SAMD3: variants seen among roughly 807,000 people sequenced by gnomAD.
SAMD3 encodes sterile alpha motif domain-containing protein 3.
SAMD3 carries 63 observed loss-of-function variants against 58.5 expected under a neutral mutation model. The ratio of observed to expected loss-of-function variants is 1.08; its 90% CI spans 0.88 to 1.33. The LOEUF (loss-of-function observed/expected upper bound fraction) is 1.33. Ranked by LOEUF, SAMD3 falls within the 40% of genes most tolerant of loss-of-function variation. The probability of loss-of-function intolerance (pLI) is 0.00; values close to 1 mark genes in which losing one functional copy is unlikely to be tolerated. For synonymous variants in SAMD3, 220 were observed against 210.3 expected (o/e 1.05, Z -0.40); for missense variants, 604 against 608.4 (o/e 0.99, Z 0.08).
intron 2 of SAMD3, among the ~76,000 whole-genome samples, chr6:130,268,393 T>C (rs571434026): frequency 1.3e-5 from 2 of 152,276 alleles, no homozygotes; most frequent in East Asian, 3.9e-4. Context: ...TAATATATTG[T>C]TGAAGAAAGA....
At chr6:130,224,209 C>G (rs1255231943), upstream of SAMD3, among the ~76,000 whole-genome samples, 1 of 152,134 alleles carries the variant, frequency 6.6e-6, no homozygotes, top group Non-Finnish European at 1.5e-5. Flanking sequence ...GTGTGTTCCT[C>G]TTGATGTCCA....
chr6:130,220,285 C>A (rs991534838), intron 1 of SAMD3, among the ~76,000 whole-genome samples: 2 of 152,152 alleles, frequency 1.3e-5, no homozygotes, highest in Non-Finnish European at 2.9e-5. Flanking sequence ...CAGGTGTGAG[C>A]CACTAGCCTG....
intron 2 of SAMD3, among the ~76,000 whole-genome samples, chr6:130,295,182 C>G (rs1247748182): frequency 1.3e-5 from 2 of 152,126 alleles, no homozygotes; most frequent in African/African-American, 4.8e-5. Flanking sequence ...CTCGGCCTCC[C>G]AAAGTGCTGG....
chr6:130,361,881 A>G (rs1475749246), intron 1 of SAMD3, among the ~76,000 whole-genome samples: 3 of 152,246 alleles, frequency 2.0e-5, no homozygotes, highest in Non-Finnish European at 4.4e-5. Flanking sequence ...TGCCGACCCA[A>G]ATGTTTTACA....
chr6:130,355,803 A>G (rs920005628), intron 1 of SAMD3, among the ~76,000 whole-genome samples: 2 of 152,220 alleles, frequency 1.3e-5, no homozygotes, highest in African/African-American at 2.4e-5. Flanking sequence ...AAACACCACA[A>G]GAAGAAGCAG....
chr6:130,334,744 A>G lies in SAMD3; in HGVS notation c.-303-21651T>C, dbSNP rs76958159. Among the ~76,000 whole-genome samples the G allele has an allele frequency of 5.3e-5, 8 of 152,304 alleles. No homozygotes were observed. The East Asian group carries it at 1.3e-3, about 26-fold the overall frequency. On this transcript the variant is annotated intron_variant, in intron 1 of 13. Transcript: ENST00000368134. ...CAACAATGCTGGTTTCTTCCCCCTT[A>G]CTCAAAACTATATATACAATGTGTG...
Position 130,240,209 on chromosome 6 carries a change from AT to A in SAMD3, c.-187-17397del, listed in dbSNP as rs562816818. On this transcript the variant is annotated intron_variant, in intron 2 of 13. Transcript: ENST00000368134. ...AGCTCTGGAAGGTTCCTCTTCTCACATACAACATTTTCCTTAACCCATACCA... is the reference window on the plus strand; with the variant it reads ...AGCTCTGGAAGGTTCCTCTTCTCACAACAACATTTTCCTTAACCCATACCA... Among the ~76,000 whole-genome samples the A allele has an allele frequency of 4.4e-3, 672 of 152,278 alleles. 5 individuals carry two copies. Among genetic ancestry groups the A allele is most frequent in the African/African-American group, 0.015 (631 of 41,564 alleles).
intron 8 of SAMD3, among the ~76,000 whole-genome samples, chr6:130,157,298 T>G (rs1421197052): frequency 6.6e-6 from 1 of 151,644 alleles, no homozygotes; most frequent in African/African-American, 2.4e-5. Context: ...ATAAGAGAAA[T>G]TTTCAAAACC....
At chr6:130,189,813 C>CT (rs1283582051) in intron 5 of SAMD3, among the ~76,000 whole-genome samples, 1 of 152,172 alleles carries the variant, frequency 6.6e-6, no homozygotes, top group Admixed American at 6.5e-5. Context: ...ACTGAAAACA[C>CT]TGAAATGTGA....
In SAMD3 at chr6:130,155,008, AAAAC is replaced by A. The variant is rs748404468; in HGVS notation, c.836_839del (p.Cys279LeufsTer5). 1 of 1,612,936 alleles carries A rather than the reference AAAAC, an allele frequency of 6.2e-7. No homozygotes were observed. The highest frequency in any genetic ancestry group is 2.2e-5 in the East Asian group (1 of 44,744). ...TAATATGTTCATCTAGCTCAGAATCAAAACAAACAGCTTCTTCCTGCAAAACATT... is the reference window on the plus strand; with the variant it reads ...TAATATGTTCATCTAGCTCAGAATCAAAACAGCTTCTTCCTGCAAAACATT... On this transcript the variant is annotated frameshift_variant, in exon 9 of 12. Transcript: ENST00000439090. LOFTEE classifies it high-confidence loss of function.
chr6:130,219,240 C>T (rs1311355038), intron 1 of SAMD3, among the ~76,000 whole-genome samples: 1 of 152,074 alleles, frequency 6.6e-6, no homozygotes, highest in African/African-American at 2.4e-5. Flanking sequence ...TAGCAGACAG[C>T]AAACAGGTGA....
intron 1 of SAMD3, among the ~76,000 whole-genome samples, chr6:130,346,955 T>C (rs971632153): frequency 6.6e-6 from 1 of 152,198 alleles, no homozygotes; most frequent in Non-Finnish European, 1.5e-5. Flanking sequence ...CTGCTGCTGA[T>C]ACCCAGGGAA....
chr6:130,224,362 G>A (rs1796326183), upstream of SAMD3, among the ~76,000 whole-genome samples: 1 of 151,962 alleles, frequency 6.6e-6, no homozygotes, highest in South Asian at 2.1e-4. Context: ...CATGGGTACA[G>A]GCCTGAGGGT....
At chr6:130,294,908 GATTTTTTT>G (rs1562505088) in intron 2 of SAMD3, among the ~76,000 whole-genome samples, 2 of 69,654 alleles carry the variant, frequency 2.9e-5, no homozygotes, top group African/African-American at 1.2e-4. Flanking sequence ...ACATTTCTCT[GATTTTTTT>G]TTTTTTTTTT....
At chr6:130,311,700 T>TGCCCAGAAGACAA (rs1776172441) in intron 2 of SAMD3, among the ~76,000 whole-genome samples, 1 of 152,034 alleles carries the variant, frequency 6.6e-6, no homozygotes, top group South Asian at 2.1e-4. Context: ...GCAAAGGATA[T>TGCCCAGAAGACAA]AAGAGTCTTC....
chr6:130,178,836 A>T (rs1417151373), intron 7 of SAMD3, among the ~76,000 whole-genome samples: 1 of 152,170 alleles, frequency 6.6e-6, no homozygotes, highest in Admixed American at 6.5e-5. Context: ...TAAGAAAGGC[A>T]GTGGTTGAGG....
intron 5 of SAMD3, among the ~76,000 whole-genome samples, chr6:130,189,582 C>G (rs1407264171): frequency 6.6e-6 from 1 of 152,124 alleles, no homozygotes; most frequent in Non-Finnish European, 1.5e-5. Flanking sequence ...TCATTTTTCA[C>G]TCCTAAGTGT....
At chr6:130,348,871 A>C (rs558327620) in intron 1 of SAMD3, among the ~76,000 whole-genome samples, 2,767 of 152,220 alleles carry the variant, frequency 0.018, 15 homozygotes, top group Non-Finnish European at 0.027. Flanking sequence ...AAATTATAAC[A>C]AACTGTCTCT....
At chr6:130,283,074 C>T (rs920108767) in intron 2 of SAMD3, among the ~76,000 whole-genome samples, 2 of 151,690 alleles carry the variant, frequency 1.3e-5, no homozygotes, top group Non-Finnish European at 2.9e-5. Flanking sequence ...AAAGGCACTA[C>T]AAAAAACGGC....
Sources: allele counts gnomAD v4.1 joint callset (sites outside exome capture counted in the v4.1 genomes callset), GRCh38; gene constraint gnomAD v4.1.1; transcripts MANE v1.5; gene names NCBI Gene and HGNC (gene_info 2026-07-23, HGNC 2026-07-21).